Variants in SLC9A4 observed in about 807,000 individuals in gnomAD.
SLC9A4 encodes solute carrier family 9 member A4, also known as sodium/hydrogen exchanger 4.
Under a neutral mutation model 67.4 loss-of-function variants are expected in SLC9A4, and 63 were observed. That is an observed-to-expected ratio of 0.93 (90% CI 0.76 to 1.15). The LOEUF is 1.15. Ranked by LOEUF, SLC9A4 falls within the 50% of genes most tolerant of loss-of-function variation. The probability of loss-of-function intolerance (pLI) is 0.00; values close to 1 mark genes in which losing one functional copy is unlikely to be tolerated. For synonymous variants in SLC9A4, 393 were observed against 367.2 expected (o/e 1.07, Z -0.80); for missense variants, 1,089 against 987.7 (o/e 1.10, Z -1.38).
chr2:102,532,824 A>C lies in SLC9A4; in HGVS notation c.*136A>C. 1 of 957,418 alleles carries C rather than the reference A, an allele frequency of 1.0e-6. No individual in the cohort carries two copies. The highest frequency in any genetic ancestry group is 1.5e-6 in the Non-Finnish European group (1 of 660,800). 59.3% of individuals were successfully genotyped at this position (957,418 alleles called of 1,614,324 possible). A position where few individuals can be genotyped will look rare whatever the true frequency, so the allele number is the denominator to read the frequency against. ...AGCTATTAAACATGGATCTATAAGC[A>C]GCAGGAAGATTTTTTCCAAGGACTG... On this transcript the variant is annotated 3_prime_UTR_variant, in exon 12 of 12. Coordinates refer to ENST00000295269, the MANE Select transcript of SLC9A4 (RefSeq NM_001011552.4).
intron 2 of SLC9A4, among the ~76,000 whole-genome samples, chr2:102,485,143 G>A (rs976195684): frequency 8.5e-5 from 13 of 152,256 alleles, no homozygotes; most frequent in South Asian, 2.1e-4. Flanking sequence ...GACCCTTCTC[G>A]GTCCTTCAGG....
At position 102,479,113 on chromosome 2, in the gene SLC9A4, C is replaced by G. The variant is rs775025826; in HGVS notation, c.531C>G (p.Leu177=). ...LINALGIGLS[L]YLICQVKAFG... is the part of the protein sequence containing the mutation. ...ACGCCTTGGGCATTGGCCTCTCCCT[C>G]TACCTCATCTGCCAGGTGAAGGCCT... is the stretch of plus-strand genomic sequence containing the variant. Residue 177 remains leucine, a synonymous_variant, in exon 2 of 12, where the codon CTC becomes CTG. Transcript: ENST00000295269. The G allele has an allele frequency of 2.2e-5, 36 of 1,614,192 alleles. No individual in the cohort carries two copies. The highest frequency in any genetic ancestry group is 3.0e-5 in the Non-Finnish European group (35 of 1,180,016).
Position 102,532,547 on chromosome 2 carries a change from T to G in SLC9A4, c.2256T>G (p.His752Gln), listed in dbSNP as rs1318418571. 6.2e-7 allele frequency: 1 copy of G among 1,614,056 alleles called. No homozygotes were observed. The highest frequency in any genetic ancestry group is 1.1e-5 in the South Asian group (1 of 91,058). ...RVALRPKPLFHAVDEEGESGG... is the reference protein window; with the variant it reads ...RVALRPKPLFQAVDEEGESGG... ...CCTTAAGACCCAAACCTCTGTTTCATGCAGTGGATGAGGAGGGTGAGTCTG... is the reference window on the plus strand; with the variant it reads ...CCTTAAGACCCAAACCTCTGTTTCAGGCAGTGGATGAGGAGGGTGAGTCTG... Residue 752 changes from histidine to glutamine, a missense_variant, in exon 12 of 12, where the codon CAT (histidine) becomes CAG (glutamine). Transcript: ENST00000295269.
intron 9 of SLC9A4, 34 bp from the exon 10 acceptor site, chr2:102,524,990 T>A: frequency 6.2e-7 from 1 of 1,612,220 alleles, no homozygotes; most frequent in Non-Finnish European, 8.5e-7. Context: ...TATGGAGGAG[T>A]CCTTACGTAT....
At position 102,533,956 on chromosome 2, in the gene SLC9A4, G is replaced by A. The variant is rs1416898337; in HGVS notation, c.*1268G>A. 43 of 151,592 alleles carry A rather than the reference G, an allele frequency of 2.8e-4. No individual in the cohort carries two copies. Among genetic ancestry groups the A allele is most frequent in the Admixed American group, 2.6e-3 (39 of 15,224 alleles). The allele number at this position is 151,592 out of a possible 1,614,324, so 9.4% of individuals were successfully genotyped here. ...GTGAATAATGCCGCAATAAACATAC[G>A]TGTGCATGTGTCTTTATAGCAGCAT... On this transcript the variant is annotated 3_prime_UTR_variant, in exon 12 of 12. Transcript: ENST00000295269.
rs1361705243 is a variant in SLC9A4, at chr2:102,532,736, CCTATAA to C, written c.*51_*56del. 1 of 1,529,020 alleles carries C rather than the reference CCTATAA, an allele frequency of 6.5e-7. No homozygotes were observed. Among genetic ancestry groups the C allele is most frequent in the East Asian group, 2.3e-5 (1 of 44,236 alleles). The allele number at this position is 1,529,020 out of a possible 1,614,324, so 94.7% of individuals were successfully genotyped here. On this transcript the variant is annotated 3_prime_UTR_variant, in exon 12 of 12. Transcript: ENST00000295269. The stretch of plus-strand genomic sequence containing the variant: ...TTGGTGTTTCTCAAGAGTCTGTCTT[CCTATAA>C]CTGTGAAAGGAGGATTTCTGGAATT...
chr2:102,503,226 T>C (rs1232155033), intron 2 of SLC9A4, among the ~76,000 whole-genome samples: 1 of 152,232 alleles, frequency 6.6e-6, no homozygotes, highest in Non-Finnish European at 1.5e-5. Context: ...ACGTAGTAGG[T>C]GCTCAGTGAT....
rs1336398328 is a variant in SLC9A4 at position 102,533,290 on chromosome 2, G to C, written c.*602G>C. ...AATCAGTAGCAATGATAGATGTGAT[G>C]CATACTATAGGATTAATCTGTGAAC... On this transcript the variant is annotated 3_prime_UTR_variant, in exon 12 of 12. Coordinates refer to ENST00000295269, the MANE Select transcript of SLC9A4 (RefSeq NM_001011552.4). 6.5e-6 allele frequency: 1 copy of C among 152,990 alleles called. No homozygotes were observed. Among genetic ancestry groups the C allele is most frequent in the Non-Finnish European group, 1.5e-5 (1 of 68,626 alleles). The allele number at this position is 152,990 out of a possible 1,614,324, so 9.5% of individuals were successfully genotyped here. A position where few individuals can be genotyped will look rare whatever the true frequency, so the allele number is the denominator to read the frequency against.
chr2:102,474,963 A>T (rs1426898167), intron 1 of SLC9A4, among the ~76,000 whole-genome samples: 1 of 152,184 alleles, frequency 6.6e-6, no homozygotes, highest in Non-Finnish European at 1.5e-5. Flanking sequence ...GAGGTCTGGC[A>T]GTTACCTTCT....
chr2:102,522,423 T>C (rs1264250016), intron 9 of SLC9A4, among the ~76,000 whole-genome samples: 1 of 152,128 alleles, frequency 6.6e-6, no homozygotes, highest in Non-Finnish European at 1.5e-5. Flanking sequence ...GCGAAGACAC[T>C]TGCATGGACA....
intron 3 of SLC9A4, among the ~76,000 whole-genome samples, chr2:102,504,059 T>C (rs1041850403): frequency 6.6e-6 from 1 of 152,044 alleles, no homozygotes; most frequent in Non-Finnish European, 1.5e-5. Context: ...TGTTTTTTTG[T>C]TTGTTTGTTT....
At chr2:102,497,674 G>A (rs1684838691) in intron 2 of SLC9A4, among the ~76,000 whole-genome samples, 1 of 152,196 alleles carries the variant, frequency 6.6e-6, no homozygotes, top group African/African-American at 2.4e-5. Context: ...GCCAGGGTCG[G>A]AGAGAAGGAT....
At chr2:102,484,722 G>A (rs760463023) in intron 2 of SLC9A4, among the ~76,000 whole-genome samples, 11 of 152,148 alleles carry the variant, frequency 7.2e-5, no homozygotes, top group Non-Finnish European at 1.2e-4. Context: ...ACAAAGTGAG[G>A]CCACCAAGCT....
intron 11 of SLC9A4, among the ~76,000 whole-genome samples, chr2:102,529,259 G>A (rs966003591): frequency 2.6e-5 from 4 of 152,168 alleles, no homozygotes; most frequent in Admixed American, 6.5e-5. Flanking sequence ...TACTCGACTG[G>A]TTCTAAGTTT....
At position 102,479,266 on chromosome 2, in the gene SLC9A4, C is replaced by G. The variant is rs975705657; in HGVS notation, c.684C>G (p.Ile228Met). The change falls in exon 2 of 12, where the codon ATC becomes ATG. Residue 228 changes from isoleucine to methionine, a missense_variant. Physicochemically the swap from Ile to Met is conservative, Grantham distance 10 (BLOSUM62 1). Transcript: ENST00000295269. The stretch of plus-strand genomic sequence containing the variant: ...TGAACGAGCAGCTCTACATGATGAT[C>G]TTTGGGGAGGCCCTGCTCAATGATG... ...ARVNEQLYMM[I>M]FGEALLNDGI... 1.9e-6 allele frequency: 3 copies of G among 1,613,248 alleles called. No individual in the cohort carries two copies. Among genetic ancestry groups the G allele is most frequent in the Non-Finnish European group, 2.5e-6 (3 of 1,179,694 alleles).
At chr2:102,482,425 A>G (rs550966110) in intron 2 of SLC9A4, among the ~76,000 whole-genome samples, 30 of 152,162 alleles carry the variant, frequency 2.0e-4, no homozygotes, top group Non-Finnish European at 3.2e-4. Flanking sequence ...TAGAACAAGG[A>G]CCTTATCCAT....
In SLC9A4 at chr2:102,475,467, G is replaced by A. The variant is rs144395113; in HGVS notation, c.256+1452G>A. 7.2e-5 allele frequency among the ~76,000 whole-genome samples: 11 copies of A among 152,296 alleles called. No homozygotes were observed. The East Asian group carries it at 2.1e-3, about 29-fold the overall frequency. On this transcript the variant is annotated intron_variant, in intron 1 of 11. Coordinates refer to ENST00000295269, the MANE Select transcript of SLC9A4 (RefSeq NM_001011552.4). ...TCAGTAAACATCTAAACGCAGAAAG[G>A]CTGCATTTTGTCTTGGTTTTATATT...
intron 2 of SLC9A4, among the ~76,000 whole-genome samples, chr2:102,493,191 T>TAAGGGAAAATAAAAAAATATATAGTAA (rs1558662881): frequency 3.3e-4 from 50 of 152,232 alleles, no homozygotes; most frequent in African/African-American, 1.2e-3. Flanking sequence ...TCTTGTCTTC[T>TAAGGGAAAATAAAAAAATATATAGTAA]TCTGAGCCCT....
At chr2:102,476,798 G>C (rs1684343839) in intron 1 of SLC9A4, among the ~76,000 whole-genome samples, 1 of 152,012 alleles carries the variant, frequency 6.6e-6, no homozygotes, top group Non-Finnish European at 1.5e-5. Flanking sequence ...ACAAAGAGAA[G>C]ATGAAGAAGG....
Sources: allele counts gnomAD v4.1 joint callset (sites outside exome capture counted in the v4.1 genomes callset), GRCh38; gene constraint gnomAD v4.1.1; transcripts MANE v1.5; gene names NCBI Gene and HGNC (gene_info 2026-07-23, HGNC 2026-07-21).